The following DLGAP2 variants were observed in gnomAD, a reference collection of about 807,000 sequenced individuals.
DLGAP2 encodes disks large-associated protein 2.
Under a neutral mutation model 100.3 loss-of-function variants are expected in DLGAP2, and 26 were observed. The observed-to-expected ratio is 0.26, with a 90% CI of 0.19 to 0.36. DLGAP2 has a LOEUF of 0.36. DLGAP2 is among the 10% of genes least tolerant of loss of function. The pLI is 1.00. For synonymous variants in DLGAP2, 886 were observed against 630.1 expected, an observed-to-expected ratio of 1.41 and a Z score of -6.08; for missense variants, 1,858 against 1,453.2, an observed-to-expected ratio of 1.28 and a Z score of -4.53.
intron 2 of DLGAP2, among the ~76,000 whole-genome samples, chr8:1,165,945 C>A (rs1187520380): frequency 1.3e-5 from 2 of 151,938 alleles, no homozygotes; most frequent in African/African-American, 4.8e-5. Context: ...AACCATTATC[C>A]AGTTTCTTGT....
At chr8:1,228,171 T>C (rs1798460994) in intron 2 of DLGAP2, among the ~76,000 whole-genome samples, 2 of 142,754 alleles carry the variant, frequency 1.4e-5, no homozygotes, top group African/African-American at 2.5e-5. Context: ...GGCACATGTA[T>C]ACATATGTAA....
intron 2 of DLGAP2, among the ~76,000 whole-genome samples, chr8:915,440 G>A (rs1185417730): frequency 3.3e-5 from 5 of 152,042 alleles, no homozygotes; most frequent in African/African-American, 1.2e-4. Context: ...CTAGCTACTC[G>A]GGAGGCTGAG....
chr8:1,528,188 A>G (rs1182770081), intron 4 of DLGAP2, among the ~76,000 whole-genome samples: 1 of 152,170 alleles, frequency 6.6e-6, no homozygotes, highest in Non-Finnish European at 1.5e-5. Context: ...ACTGGGTTCC[A>G]CTGCTGGAAC....
chr8:1,029,650 A>G (rs796807398), intron 2 of DLGAP2, among the ~76,000 whole-genome samples: 20 of 148,012 alleles, frequency 1.4e-4, no homozygotes, highest in African/African-American at 5.1e-4. Context: ...TGAGAGGTGA[A>G]TCTGTGTTTT....
intron 3 of DLGAP2, among the ~76,000 whole-genome samples, chr8:1,272,180 T>C (rs1448752353): frequency 1.3e-5 from 2 of 152,216 alleles, no homozygotes; most frequent in African/African-American, 2.4e-5. Context: ...TAATCACATT[T>C]TAAAAGCAAT....
At chr8:970,217 G>C (rs1346225426) in intron 2 of DLGAP2, among the ~76,000 whole-genome samples, 1 of 152,152 alleles carries the variant, frequency 6.6e-6, no homozygotes, top group African/African-American at 2.4e-5. Context: ...ATCTTATTTG[G>C]TGACAATATT....
At chr8:1,253,355 C>A (rs1482592719) in intron 2 of DLGAP2, among the ~76,000 whole-genome samples, 1 of 152,178 alleles carries the variant, frequency 6.6e-6, no homozygotes, top group Non-Finnish European at 1.5e-5. Context: ...TACTGCGCAC[C>A]CCTCCCCGGG....
At chr8:1,296,027 G>A (rs745425913) in intron 3 of DLGAP2, 8 of 152,154 alleles carry the variant, frequency 5.3e-5, no homozygotes, top group African/African-American at 1.7e-4. Flanking sequence ...TGAAATCCCC[G>A]GAAGTGTGTC....
intron 6 of DLGAP2, among the ~76,000 whole-genome samples, chr8:1,583,027 A>G (rs1192510421): frequency 6.6e-6 from 1 of 152,212 alleles, no homozygotes; most frequent in African/African-American, 2.4e-5. Context: ...CCCATTCAGC[A>G]TCTGAACCAG....
At chr8:1,436,324 A>G (rs1260797691) in intron 3 of DLGAP2, among the ~76,000 whole-genome samples, 1 of 152,210 alleles carries the variant, frequency 6.6e-6, no homozygotes, top group African/African-American at 2.4e-5. Context: ...TCTGATGTTC[A>G]AGGGCAGGAG....
At chr8:1,554,297 A>AAATT (rs953670112) in intron 5 of DLGAP2, among the ~76,000 whole-genome samples, 11 of 112,886 alleles carry the variant, frequency 9.7e-5, no homozygotes, top group African/African-American at 5.4e-4. Flanking sequence ...CTAAATAAAT[A>AAATT]AATTAATTAA....
At chr8:752,876 G>T (rs1820827282) in intron 1 of DLGAP2, among the ~76,000 whole-genome samples, 2 of 152,120 alleles carry the variant, frequency 1.3e-5, no homozygotes, top group Admixed American at 6.5e-5. Flanking sequence ...GCGACCTCTG[G>T]GGTCCTCAGA....
At chr8:1,303,184 T>C (rs1484366479) in intron 3 of DLGAP2, among the ~76,000 whole-genome samples, 1 of 152,060 alleles carries the variant, frequency 6.6e-6, no homozygotes, top group Non-Finnish European at 1.5e-5. Flanking sequence ...GATCACAAGG[T>C]CAGGAGCTCA....
chr8:1,303,265 C>T (rs192295256), intron 3 of DLGAP2, among the ~76,000 whole-genome samples: 2,134 of 152,074 alleles, frequency 0.014, 52 homozygotes, highest in African/African-American at 0.045. Context: ...GGCGTGGTGG[C>T]GGGCGCCTGT....
intron 2 of DLGAP2, among the ~76,000 whole-genome samples, chr8:1,005,567 C>T (rs1801084167): frequency 7.5e-6 from 1 of 133,608 alleles, no homozygotes; most frequent in Admixed American, 8.4e-5. Context: ...TGCCACCATG[C>T]CCAGCTTGCC....
rs542087400 is a variant in DLGAP2 at position 814,074 on chromosome 8, G to A, written c.18+76249G>A. On this transcript the variant is annotated intron_variant, in intron 1 of 14. Coordinates refer to ENST00000637795, the MANE Select transcript of DLGAP2 (RefSeq NM_001346810.2). ...AAAAGAACTCAGAAAAAGATCTAAT[G>A]TGTCTTTGAAGGAAGGTTTCAGATT... 5.9e-5 allele frequency among the ~76,000 whole-genome samples: 9 copies of A among 152,276 alleles called. No homozygotes were observed. In the East Asian group the frequency reaches 1.7e-3, roughly 29 times the overall value.
intron 3 of DLGAP2, among the ~76,000 whole-genome samples, chr8:1,408,346 G>A (rs1413097850): frequency 2.0e-5 from 3 of 152,198 alleles, no homozygotes; most frequent in Non-Finnish European, 2.9e-5. Context: ...CCTCGGGGAG[G>A]CGTCTGTGTT....
intron 2 of DLGAP2, among the ~76,000 whole-genome samples, chr8:937,713 TCTC>T (rs1487890225): frequency 1.3e-5 from 2 of 152,132 alleles, no homozygotes; most frequent in Non-Finnish European, 2.9e-5. Flanking sequence ...GACAGGGTCT[TCTC>T]CTCCATCTCC....
At chr8:1,700,854 C>T (rs981373253) in intron 14 of DLGAP2, among the ~76,000 whole-genome samples, 1 of 152,220 alleles carries the variant, frequency 6.6e-6, no homozygotes, top group Admixed American at 6.5e-5. Flanking sequence ...TTGGGAAGCG[C>T]AGGAATCGGG....
Sources: allele counts gnomAD v4.1 joint callset (sites outside exome capture counted in the v4.1 genomes callset), GRCh38; gene constraint gnomAD v4.1.1; transcripts MANE v1.5; gene names NCBI Gene and HGNC (gene_info 2026-07-23, HGNC 2026-07-21).